Variants in KYAT1 observed in about 807,000 individuals in gnomAD.
KYAT1 encodes kynurenine aminotransferase 1.
In KYAT1, 47 loss-of-function variants were observed where a neutral mutation model predicts 52.4. That is an observed-to-expected ratio of 0.90 (90% CI 0.71 to 1.14). The LOEUF (loss-of-function observed/expected upper bound fraction) is 1.14. Among genes scored for constraint, KYAT1 ranks in the 50% most tolerant of loss-of-function variants. The pLI, the probability that KYAT1 is intolerant of heterozygous loss-of-function variation, is 0.00. For synonymous variants in KYAT1, 212 were observed against 209.6 expected (o/e 1.01, Z -0.10); for missense variants, 480 against 557.9 (o/e 0.86, Z 1.41).
At chr9:128,847,202 A>C (rs1833236324) in intron 1 of KYAT1, among the ~76,000 whole-genome samples, 1 of 152,224 alleles carries the variant, frequency 6.6e-6, no homozygotes, top group South Asian at 2.1e-4. Flanking sequence ...GGATGGGCAC[A>C]GGGGATCATG....
intron 7 of KYAT1, 134 bp from the exon 8 acceptor site, chr9:128,836,207 AT>A (rs531993591): frequency 1.7e-5 from 10 of 574,908 alleles, no homozygotes; most frequent in South Asian, 6.1e-5. Flanking sequence ...TATTTGCACA[AT>A]TTTTTTTCTT....
At chr9:128,882,328 C>G (rs1839076385), upstream of KYAT1, 1 of 172,180 alleles carries the variant, frequency 5.8e-6, no homozygotes, top group Non-Finnish European at 1.2e-5. Flanking sequence ...GGCCAGCTGC[C>G]CGGCCCGGGG....
intron 1 of KYAT1, among the ~76,000 whole-genome samples, chr9:128,878,922 G>C (rs1014762675): frequency 1.3e-5 from 2 of 152,206 alleles, no homozygotes; most frequent in Admixed American, 1.3e-4. Context: ...CTGAGGCTTA[G>C]AGAGGGGAAA....
At chr9:128,857,198 A>G (rs200448305) in intron 1 of KYAT1, among the ~76,000 whole-genome samples, 28 of 151,896 alleles carry the variant, frequency 1.8e-4, no homozygotes, top group Non-Finnish European at 3.8e-4. Flanking sequence ...TTTTGCTCAC[A>G]TGTTTTTTTG....
In KYAT1 at chr9:128,838,289, C is replaced by G; in HGVS notation, c.280G>C (p.Val94Leu). The part of the protein sequence containing the change: ...LGQEIDPLRN[V>L]LVTVGGYGAL... Reference sequence around the variant, plus strand: ...CCATAGCCACCAACAGTCACCAGCACATTCCTGAGCGGGTCTATCTCCTGA... The same window carrying G: ...CCATAGCCACCAACAGTCACCAGCAGATTCCTGAGCGGGTCTATCTCCTGA... Residue 94 changes from valine to leucine, a missense_variant, in exon 4 of 13, where the codon GTG (valine) becomes CTG (leucine). Physicochemically the swap from Val to Leu is conservative, Grantham distance 32. Coordinates refer to ENST00000302586, the MANE Select transcript of KYAT1 (RefSeq NM_004059.5). 6.2e-7 allele frequency: 1 copy of G among 1,614,202 alleles called. No individual in the cohort carries two copies. Among genetic ancestry groups the G allele is most frequent in the Non-Finnish European group, 8.5e-7 (1 of 1,180,034 alleles).
At chr9:128,878,767 A>G (rs528475239) in intron 1 of KYAT1, among the ~76,000 whole-genome samples, 46 of 152,200 alleles carry the variant, frequency 3.0e-4, no homozygotes, top group Non-Finnish European at 6.5e-4. Flanking sequence ...AACAGTAGGT[A>G]TCTCACCACT....
At chr9:128,837,884 C>T (rs1214218009) in intron 5 of KYAT1, 71 bp from the exon 6 acceptor site, 2 of 1,567,336 alleles carry the variant, frequency 1.3e-6, no homozygotes, top group Middle Eastern at 1.7e-4. Flanking sequence ...AGCATCTATC[C>T]CCACCTTCTC....
At chr9:128,862,484 T>C (rs553357194) in intron 1 of KYAT1, among the ~76,000 whole-genome samples, 1 of 152,312 alleles carries the variant, frequency 6.6e-6, no homozygotes, top group Admixed American at 6.5e-5. Flanking sequence ...GCAGGCCTTA[T>C]AGCAGATTGT....
Sources: gnomAD v4.1 joint callset for allele counts (sites outside exome capture counted in the v4.1 genomes callset) on GRCh38, gnomAD v4.1.1 for gene constraint, MANE v1.5 for transcripts, NCBI Gene and HGNC (gene_info 2026-07-23, HGNC 2026-07-21) for gene names.